The following GALNT13 variants were observed in gnomAD, a reference collection of about 807,000 sequenced individuals.
GALNT13 encodes the protein UDP-GalNAc:polypeptide N-acetylgalactosaminyltransferase 13.
In GALNT13, 28 loss-of-function variants were observed where a neutral mutation model predicts 64.2. The ratio of observed to expected loss-of-function variants is 0.44; its 90% CI spans 0.32 to 0.60. The LOEUF (loss-of-function observed/expected upper bound fraction) is 0.60, where lower values mean the gene tolerates loss of function less well. GALNT13 is among the 20% of genes least tolerant of loss of function. GALNT13 has a pLI of 0.05. For synonymous variants in GALNT13, 214 were observed against 224.6 expected (o/e 0.95, Z 0.42); for missense variants, 577 against 669.8 (o/e 0.86, Z 1.53).
rs529006450 is a variant in GALNT13 at position 154,226,631 on chromosome 2, T to G, written c.312-15399T>G. 1.8e-4 allele frequency among the ~76,000 whole-genome samples: 28 copies of G among 152,290 alleles called. No homozygotes were observed. The East Asian group carries it at 5.4e-3, about 29-fold the overall frequency. Reference sequence around the variant, plus strand: ...TAAACCTTGCGATTACTATTTAATATTTTTTAAATTTTATTTTAGTAGGTA... The same window carrying G: ...TAAACCTTGCGATTACTATTTAATAGTTTTTAAATTTTATTTTAGTAGGTA... On this transcript the variant is annotated intron_variant, in intron 4 of 12. Transcript: ENST00000392825.
chr2:154,318,374 T>G (rs772571316), intron 9 of GALNT13, among the ~76,000 whole-genome samples: 1 of 152,226 alleles, frequency 6.6e-6, no homozygotes, highest in Non-Finnish European at 1.5e-5. Flanking sequence ...GAAGGAGTGA[T>G]GAATTAGTAA....
chr2:153,641,430 A>C, the GALNT13 span, among the ~76,000 whole-genome samples: 1 of 152,182 alleles, frequency 6.6e-6, no homozygotes, highest in Non-Finnish European at 1.5e-5. Context: ...GTACCATGTT[A>C]AGTTTGACAT....
At chr2:153,529,280 G>A in the GALNT13 span, among the ~76,000 whole-genome samples, 1 of 151,872 alleles carries the variant, frequency 6.6e-6, no homozygotes, top group African/African-American at 2.4e-5. Context: ...GCTACTATGA[G>A]CAACTATATG....
At chr2:153,449,204 A>G in the GALNT13 span, among the ~76,000 whole-genome samples, 1 of 152,172 alleles carries the variant, frequency 6.6e-6, no homozygotes, top group Non-Finnish European at 1.5e-5. Flanking sequence ...CTAGAACTGT[A>G]AGAAAATATT....
the GALNT13 span, among the ~76,000 whole-genome samples, chr2:153,585,782 G>A: frequency 6.6e-6 from 1 of 151,624 alleles, no homozygotes; most frequent in Non-Finnish European, 1.5e-5. Flanking sequence ...TATATTCAAA[G>A]TACTGACAGA....
the GALNT13 span, among the ~76,000 whole-genome samples, chr2:153,439,318 C>T: frequency 6.6e-6 from 1 of 152,164 alleles, no homozygotes; most frequent in Non-Finnish European, 1.5e-5. Flanking sequence ...CAGCTGCGTG[C>T]TGGGAGAACC....
the GALNT13 span, among the ~76,000 whole-genome samples, chr2:153,518,674 A>G: frequency 8.5e-5 from 13 of 152,300 alleles, no homozygotes; most frequent in African/African-American, 1.2e-4. Flanking sequence ...TTTGAGTTCA[A>G]TAACTAAAAC....
the GALNT13 span, among the ~76,000 whole-genome samples, chr2:153,812,321 A>G: frequency 6.6e-6 from 1 of 152,222 alleles, no homozygotes; most frequent in Non-Finnish European, 1.5e-5. Flanking sequence ...ATGATGCAAG[A>G]AAAGGCAAAA....
the GALNT13 span, among the ~76,000 whole-genome samples, chr2:153,837,635 G>A: frequency 1.3e-5 from 2 of 151,858 alleles, no homozygotes; most frequent in Admixed American, 1.3e-4. Context: ...TATATCTATA[G>A]ATAGACATCA....
At chr2:154,129,188 A>G (rs1468901167) in intron 3 of GALNT13, among the ~76,000 whole-genome samples, 1 of 152,116 alleles carries the variant, frequency 6.6e-6, no homozygotes, top group Non-Finnish European at 1.5e-5. Flanking sequence ...TGGTTTTTGT[A>G]TCCCCGCCAT....
chr2:153,532,512 C>G, the GALNT13 span, among the ~76,000 whole-genome samples: 12 of 152,270 alleles, frequency 7.9e-5, no homozygotes, highest in East Asian at 2.3e-3. Context: ...ATTGTCTTGA[C>G]TATTAGTAAT....
chr2:153,246,120 A>G, the GALNT13 span, among the ~76,000 whole-genome samples: 1 of 152,182 alleles, frequency 6.6e-6, no homozygotes, highest in Admixed American at 6.5e-5. Context: ...AAAAAAATGA[A>G]CAAAGCCTCC....
chr2:154,034,399 C>G (rs1373049915), intron 3 of GALNT13, among the ~76,000 whole-genome samples: 2 of 152,082 alleles, frequency 1.3e-5, no homozygotes, highest in African/African-American at 4.8e-5. Context: ...AAATTAGAGT[C>G]AGTAGGTGCA....
At chr2:154,208,804 A>T (rs1687614104) in intron 4 of GALNT13, among the ~76,000 whole-genome samples, 1 of 152,146 alleles carries the variant, frequency 6.6e-6, no homozygotes, top group African/African-American at 2.4e-5. Flanking sequence ...CCAATCTCTG[A>T]AAGTATATAT....
At chr2:153,082,612 TATATATACAC>T in the GALNT13 span, among the ~76,000 whole-genome samples, 123 of 38,748 alleles carry the variant, frequency 3.2e-3, no homozygotes, top group Non-Finnish European at 4.3e-3. Context: ...TATATATATA[TATATATACAC>T]ACACACACAC....
chr2:153,300,199 C>A, the GALNT13 span, among the ~76,000 whole-genome samples: 1 of 152,116 alleles, frequency 6.6e-6, no homozygotes, highest in African/African-American at 2.4e-5. Context: ...GTTTGCGCTC[C>A]CCTAGTTAGG....
chr2:153,894,488 TC>T (rs1256445399), intron 1 of GALNT13, among the ~76,000 whole-genome samples: 5 of 151,864 alleles, frequency 3.3e-5, no homozygotes, highest in Non-Finnish European at 2.9e-5. Flanking sequence ...TATCATGAGA[TC>T]ATTATGAAGT....
At chr2:153,567,430 C>T in the GALNT13 span, among the ~76,000 whole-genome samples, 3 of 152,164 alleles carry the variant, frequency 2.0e-5, no homozygotes, top group South Asian at 4.1e-4. Context: ...TGGTAGAAGT[C>T]CAGGTAAGGA....
chr2:154,444,160 T>G (rs1701445895), intron 12 of GALNT13, among the ~76,000 whole-genome samples: 1 of 151,978 alleles, frequency 6.6e-6, no homozygotes, highest in South Asian at 2.1e-4. Context: ...GGCAATATAG[T>G]GAGACCCTTT....
Sources: allele counts gnomAD v4.1 joint callset (sites outside exome capture counted in the v4.1 genomes callset), GRCh38; gene constraint gnomAD v4.1.1; transcripts MANE v1.5; gene names NCBI Gene and HGNC (gene_info 2026-07-23, HGNC 2026-07-21).